The following JUP variants were observed in gnomAD, a reference collection of about 807,000 sequenced individuals.
The protein encoded by JUP is junction plakoglobin.
A neutral mutation model predicts 71.1 loss-of-function variants in JUP; 28 were observed. The ratio of observed to expected loss-of-function variants is 0.39; its 90% CI spans 0.29 to 0.54. JUP has a LOEUF of 0.54. JUP is among the 20% of genes least tolerant of loss of function. JUP has a pLI of 0.62. For missense variants in JUP, 869 were observed against 1,030.1 expected (o/e 0.84, Z 2.14); for synonymous variants, 401 against 438.9 (o/e 0.91, Z 1.08).
chr17:41,776,837 T>G (rs528765385), intron 1 of JUP, among the ~76,000 whole-genome samples: 1 of 152,190 alleles, frequency 6.6e-6, no homozygotes, highest in Middle Eastern at 3.4e-3. Context: ...AAACCCCATC[T>G]CTACTAAAAA....
rs373020891 is a variant in JUP at position 41,767,197 on chromosome 17, A to AT, written c.909+181dup. Among the ~76,000 whole-genome samples the AT allele has an allele frequency of 6.6e-3, 1,000 of 150,912 alleles. 11 individuals carry two copies. Among genetic ancestry groups the AT allele is most frequent in the Middle Eastern group, 0.024 (7 of 292 alleles). ...AATAGTGGCTATATGAGGATGAGTGATTTTTTTTTTCCCTTATCCTCAAAA... is the reference window on the plus strand; with the variant it reads ...AATAGTGGCTATATGAGGATGAGTGATTTTTTTTTTTCCCTTATCCTCAAAA... On this transcript the variant is annotated intron_variant, in intron 5 of 13. Coordinates refer to ENST00000393931, the MANE Select transcript of JUP (RefSeq NM_002230.4).
intron 1 of JUP, among the ~76,000 whole-genome samples, chr17:41,774,009 A>C (rs1378319259): frequency 6.6e-6 from 1 of 152,192 alleles, no homozygotes; most frequent in Non-Finnish European, 1.5e-5. Flanking sequence ...CTGCATAGAC[A>C]GTGCCTAACC....
intron 8 of JUP, among the ~76,000 whole-genome samples, chr17:41,762,207 T>TGTGTGTG (rs1915006516): frequency 3.5e-5 from 3 of 86,896 alleles, no homozygotes; most frequent in African/African-American, 1.6e-4. Flanking sequence ...GTGTGTGTGT[T>TGTGTGTG]TTAGATTGTT....
chr17:41,776,575 G>A (rs143291526), intron 1 of JUP, among the ~76,000 whole-genome samples: 40 of 152,214 alleles, frequency 2.6e-4, no homozygotes, highest in East Asian at 2.3e-3. Flanking sequence ...GAAATTAGCC[G>A]GGCATGGTGG....
rs201069505 is a variant in JUP at position 41,757,423 on chromosome 17, A to G, written c.2038T>C (p.Trp680Arg). The G allele has an allele frequency of 1.2e-6, 2 of 1,614,222 alleles. No homozygotes were observed. Among genetic ancestry groups the G allele is most frequent in the East Asian group, 2.2e-5 (1 of 44,888 alleles). ...CAACCTAGGATACTCACAGCCTCCCAGGCAGCCGGGTCATGCTTGAAGAGG... is the reference window on the plus strand; with the variant it reads ...CAACCTAGGATACTCACAGCCTCCCGGGCAGCCGGGTCATGCTTGAAGAGG... Reference protein sequence around the residue: ...NSLFKHDPAAWEAAQSMIPIN... With the variant: ...NSLFKHDPAAREAAQSMIPIN... Residue 680 changes from tryptophan (W) to arginine (R), a missense_variant, in exon 12 of 14, where the codon TGG (tryptophan) becomes CGG (arginine). Coordinates refer to ENST00000393931, the MANE Select transcript of JUP (RefSeq NM_002230.4).
intron 1 of JUP, among the ~76,000 whole-genome samples, chr17:41,773,692 C>CG (rs1466532003): frequency 1.4e-5 from 2 of 144,154 alleles, no homozygotes; most frequent in Non-Finnish European, 3.0e-5. Context: ...TGGTGGGGGG[C>CG]GGGGGGCGGG....
chr17:41,769,577 G>A lies in JUP; in HGVS notation c.309C>T (p.Ala103=). The A allele has an allele frequency of 6.2e-7, 1 of 1,607,026 alleles. No homozygotes were observed. Among genetic ancestry groups the A allele is most frequent in the Non-Finnish European group, 8.5e-7 (1 of 1,177,514 alleles). Residue 103 remains alanine (A), a synonymous_variant, in exon 3 of 14, where the codon GCC becomes GCT. Transcript: ENST00000393931. ...VSGEDSSLLL[A]TQVEGQATNL... ...TGGTGGCCTGCCCCTCCACCTGGGTGGCCAGCAGAAGCGAGCTGTCCTCGC... is the reference window on the plus strand; with the variant it reads ...TGGTGGCCTGCCCCTCCACCTGGGTAGCCAGCAGAAGCGAGCTGTCCTCGC...
At chr17:41,773,308 C>T (rs940944526) in intron 1 of JUP, among the ~76,000 whole-genome samples, 4 of 152,196 alleles carry the variant, frequency 2.6e-5, no homozygotes, top group African/African-American at 9.7e-5. Context: ...CCAGTGCCGC[C>T]CTGGCCCTCC....
At chr17:41,772,919 G>A (rs1916881006) in intron 1 of JUP, 1 of 985,382 alleles carries the variant, frequency 1.0e-6, no homozygotes, top group African/African-American at 1.7e-5. Context: ...ACCTGCAGAG[G>A]TCAGAGGCTG....
chr17:41,784,672 T>C (rs1203189509), intron 1 of JUP, among the ~76,000 whole-genome samples: 2 of 152,004 alleles, frequency 1.3e-5, no homozygotes, highest in Non-Finnish European at 2.9e-5. Context: ...CACACTGACT[T>C]CCCCCTAGCA....
intron 1 of JUP, among the ~76,000 whole-genome samples, chr17:41,777,398 C>T (rs1250330255): frequency 2.0e-5 from 3 of 152,204 alleles, no homozygotes; most frequent in East Asian, 3.9e-4. Flanking sequence ...CCAGCAGTTC[C>T]AAGCACAGAC....
chr17:41,759,056 G>A (rs1350913396), intron 8 of JUP, among the ~76,000 whole-genome samples, 186 bp from the exon 9 acceptor site: 2 of 150,470 alleles, frequency 1.3e-5, no homozygotes, highest in African/African-American at 2.4e-5. Flanking sequence ...GGATCTGGGA[G>A]TGCTCATGGC....
chr17:41,780,517 C>T (rs2047108214), intron 1 of JUP, among the ~76,000 whole-genome samples: 1 of 147,212 alleles, frequency 6.8e-6, no homozygotes, highest in Non-Finnish European at 1.5e-5. Flanking sequence ...AACATAGTGA[C>T]ACCCCCATCT....
rs1214270033 is a variant in JUP at position 41,757,703 on chromosome 17, C to T, written c.1855G>A (p.Asp619Asn). Residue 619 changes from aspartate (D) to asparagine (N), a missense_variant, in exon 11 of 14, where the codon GAC becomes AAC. Physicochemically the swap from Asp to Asn is conservative, Grantham distance 23. Transcript: ENST00000393931. ...CELAQDKEAA[D>N]AIDAEGASAP... ...GAGGCCCCCTCTGCATCAATGGCGT[C>T]GGCCGCCTCCTTGTCCTGGGCCAGC... The T allele has an allele frequency of 3.1e-6, 5 of 1,613,156 alleles. No individual in the cohort carries two copies. In the East Asian group the frequency reaches 6.7e-5, roughly 22 times the overall value.
At chr17:41,756,708 T>C (rs118083257) in intron 12 of JUP, among the ~76,000 whole-genome samples, 1 of 152,180 alleles carries the variant, frequency 6.6e-6, no homozygotes, top group Admixed American at 6.5e-5. Context: ...GAGATCATCC[T>C]GGCCAACATG....
At chr17:41,780,457 GC>G (rs1432305180) in intron 1 of JUP, among the ~76,000 whole-genome samples, 3 of 152,058 alleles carry the variant, frequency 2.0e-5, no homozygotes, top group African/African-American at 7.2e-5. Flanking sequence ...ACTTTGGGAG[GC>G]TGAGGTGGGT....
At chr17:41,770,228 A>C (rs922616323) in intron 2 of JUP, among the ~76,000 whole-genome samples, 2 of 151,852 alleles carry the variant, frequency 1.3e-5, no homozygotes, top group African/African-American at 4.8e-5. Flanking sequence ...AGAACCACCA[A>C]CATCACATCT....
At chr17:41,779,772 C>T (rs1196543256) in intron 1 of JUP, among the ~76,000 whole-genome samples, 1 of 151,966 alleles carries the variant, frequency 6.6e-6, no homozygotes, top group East Asian at 1.9e-4. Context: ...CTCAAGCAAT[C>T]CTTCCGCCTC....
chr17:41,779,525 T>A (rs1218503057), intron 1 of JUP, among the ~76,000 whole-genome samples: 1 of 151,944 alleles, frequency 6.6e-6, no homozygotes, highest in African/African-American at 2.4e-5. Flanking sequence ...AGACGGGGTT[T>A]CACCATGTTA....
Sources: allele counts gnomAD v4.1 joint callset (sites outside exome capture counted in the v4.1 genomes callset), GRCh38; gene constraint gnomAD v4.1.1; transcripts MANE v1.5; gene names NCBI Gene and HGNC (gene_info 2026-07-23, HGNC 2026-07-21).